Variants in FGGY observed in about 807,000 individuals in gnomAD.
The protein encoded by FGGY is FGGY carbohydrate kinase domain containing.
FGGY carries 72 observed loss-of-function variants against 71.3 expected under a neutral mutation model. That is an observed-to-expected ratio of 1.01 (90% CI 0.84 to 1.23). The LOEUF (loss-of-function observed/expected upper bound fraction) is 1.23, where lower values mean the gene tolerates loss of function less well. FGGY is among the 50% of genes most tolerant of loss of function. FGGY has a pLI of 0.00. For missense variants in FGGY, 668 were observed against 682.3 expected, an observed-to-expected ratio of 0.98 and a Z score of 0.23; for synonymous variants, 251 against 250.3, an observed-to-expected ratio of 1.00 and a Z score of -0.02.
intron 14 of FGGY, among the ~76,000 whole-genome samples, chr1:59,701,971 A>C (rs1471336939): frequency 6.6e-6 from 1 of 152,202 alleles, no homozygotes; most frequent in Admixed American, 6.5e-5. Flanking sequence ...CCTGAGACTG[A>C]GTAGTTTAAA....
At chr1:59,458,994 T>C (rs959746693) in intron 6 of FGGY, among the ~76,000 whole-genome samples, 5 of 152,194 alleles carry the variant, frequency 3.3e-5, no homozygotes, top group African/African-American at 1.2e-4. Context: ...AGTGGCCTCA[T>C]TGCCCGTCAA....
intron 5 of FGGY, among the ~76,000 whole-genome samples, chr1:59,396,903 A>C (rs1160180539): frequency 6.6e-6 from 1 of 152,188 alleles, no homozygotes; most frequent in Non-Finnish European, 1.5e-5. Context: ...TAAGAAATGG[A>C]TTATAGATTT....
At chr1:59,708,442 G>A (rs1057060643) in intron 14 of FGGY, among the ~76,000 whole-genome samples, 4 of 152,050 alleles carry the variant, frequency 2.6e-5, no homozygotes, top group Admixed American at 6.6e-5. Context: ...TACCAGGCTC[G>A]GCCCCTATTA....
In FGGY at chr1:59,325,375, C is replaced by CAACAACAACAACAAA. The variant is rs747772630; in HGVS notation, c.201+3636_201+3637insCAAAAACAACAACAA. Among the ~76,000 whole-genome samples the CAACAACAACAACAAA allele has an allele frequency of 4.4e-3, 669 of 152,092 alleles. 9 individuals are homozygous for CAACAACAACAACAAA. Among genetic ancestry groups the CAACAACAACAACAAA allele is most frequent in the Admixed American group, 0.023 (344 of 15,286 alleles). ...CCGTGTCCAACAACAGCAACAACAA[C>CAACAACAACAACAAA]AACAACAACAAAAACAGTAAGCTTA... On this transcript the variant is annotated intron_variant, in intron 2 of 15. Coordinates refer to ENST00000303721, the MANE Select transcript of FGGY (RefSeq NM_018291.5).
At chr1:59,438,986 A>G (rs926506541) in intron 5 of FGGY, among the ~76,000 whole-genome samples, 3 of 152,090 alleles carry the variant, frequency 2.0e-5, no homozygotes, top group Non-Finnish European at 4.4e-5. Context: ...CTATCTCATG[A>G]ATTTTTTATA....
chr1:59,746,587 A>G (rs938080982), intron 14 of FGGY, among the ~76,000 whole-genome samples: 2 of 152,112 alleles, frequency 1.3e-5, no homozygotes, highest in African/African-American at 4.8e-5. Context: ...TCCCAGACTC[A>G]AGGGATCCTC....
intron 4 of FGGY, among the ~76,000 whole-genome samples, chr1:59,370,398 G>A (rs2153274668): frequency 6.6e-6 from 1 of 152,240 alleles, no homozygotes; most frequent in Non-Finnish European, 1.5e-5. Context: ...AAGAAATATG[G>A]GACTATGTGG....
intron 14 of FGGY, among the ~76,000 whole-genome samples, chr1:59,720,325 CAG>C (rs1274571355): frequency 2.0e-5 from 3 of 152,010 alleles, no homozygotes; most frequent in Admixed American, 1.3e-4. Flanking sequence ...CCAAGTATGT[CAG>C]GGGGAAAAAA....
chr1:59,418,375 A>G (rs1470544951), intron 5 of FGGY, among the ~76,000 whole-genome samples: 2 of 152,218 alleles, frequency 1.3e-5, no homozygotes, highest in South Asian at 2.1e-4. Context: ...AGGTTGAGGA[A>G]GCACCCGAGA....
intron 6 of FGGY, among the ~76,000 whole-genome samples, chr1:59,498,035 G>A (rs145702865): frequency 1.5e-3 from 225 of 152,236 alleles, no homozygotes; most frequent in African/African-American, 5.2e-3. Flanking sequence ...ATGCTGGAGG[G>A]TCTCCCTCCT....
At chr1:59,653,534 C>T (rs914561714) in intron 11 of FGGY, among the ~76,000 whole-genome samples, 3 of 152,004 alleles carry the variant, frequency 2.0e-5, no homozygotes, top group African/African-American at 7.2e-5. Flanking sequence ...GTCCGTCACC[C>T]CTTTCTTTGA....
At chr1:59,538,049 A>G (rs899574550) in intron 7 of FGGY, among the ~76,000 whole-genome samples, 28 of 152,302 alleles carry the variant, frequency 1.8e-4, no homozygotes, top group African/African-American at 6.7e-4. Flanking sequence ...CTACCATCAG[A>G]CTGAACAGGC....
intron 14 of FGGY, among the ~76,000 whole-genome samples, chr1:59,734,639 A>G (rs1488968829): frequency 6.6e-6 from 1 of 152,228 alleles, no homozygotes; most frequent in Non-Finnish European, 1.5e-5. Flanking sequence ...ACAGACATAC[A>G]TACCATTCAA....
intron 5 of FGGY, among the ~76,000 whole-genome samples, chr1:59,424,955 A>G (rs555088955): frequency 2.0e-5 from 3 of 152,346 alleles, no homozygotes; most frequent in South Asian, 4.1e-4. Context: ...CTCTTGCTCT[A>G]TTGGAAAGAA....
chr1:59,365,137 C>T (rs7549953), intron 4 of FGGY, among the ~76,000 whole-genome samples: 49,274 of 151,932 alleles, frequency 0.32, 8,370 homozygotes, highest in African/African-American at 0.42. Flanking sequence ...AGATTTGGCA[C>T]GTTATTCAGC....
intron 5 of FGGY, among the ~76,000 whole-genome samples, chr1:59,413,163 T>C (rs1306743371): frequency 6.6e-6 from 1 of 152,182 alleles, no homozygotes; most frequent in Non-Finnish European, 1.5e-5. Context: ...ACATTTTAAG[T>C]CCTTTTTCTG....
chr1:59,722,906 C>T (rs1241083268), intron 14 of FGGY, among the ~76,000 whole-genome samples: 1 of 152,206 alleles, frequency 6.6e-6, no homozygotes, highest in Non-Finnish European at 1.5e-5. Flanking sequence ...ATGCCATTCT[C>T]CTGCCTCAGC....
chr1:59,389,311 A>G (rs2153373294), intron 5 of FGGY, among the ~76,000 whole-genome samples: 1 of 152,264 alleles, frequency 6.6e-6, no homozygotes, highest in Non-Finnish European at 1.5e-5. Context: ...ATTTAAGTAG[A>G]CTTATATAGT....
chr1:59,327,471 C>T (rs1479360275), intron 2 of FGGY, among the ~76,000 whole-genome samples: 2 of 152,116 alleles, frequency 1.3e-5, no homozygotes, highest in Admixed American at 6.5e-5. Context: ...AATTCTAGTT[C>T]GTTTGGTATT....
Sources: allele counts gnomAD v4.1 joint callset (sites outside exome capture counted in the v4.1 genomes callset), GRCh38; gene constraint gnomAD v4.1.1; transcripts MANE v1.5; gene names NCBI Gene and HGNC (gene_info 2026-07-23, HGNC 2026-07-21).